SLC13A2: variants seen among roughly 807,000 people sequenced by gnomAD.
The protein encoded by SLC13A2 is solute carrier family 13 member 2.
A neutral mutation model predicts 58.5 loss-of-function variants in SLC13A2; 40 were observed. The ratio of observed to expected loss-of-function variants is 0.68; its 90% CI spans 0.53 to 0.89. The LOEUF is 0.89. Among genes scored for constraint, SLC13A2 ranks in the 40% least tolerant of loss-of-function variants. SLC13A2 has a pLI of 0.00. For missense variants in SLC13A2, 694 were observed against 772.6 expected (o/e 0.90, Z 1.21); for synonymous variants, 341 against 331.6 (o/e 1.03, Z -0.31).
rs1033248668 is a variant in SLC13A2 at position 28,494,865 on chromosome 17, G to A, written c.1308+353G>A. On this transcript the variant is annotated intron_variant, in intron 9 of 11. Transcript: ENST00000314669. The surrounding 1 kb of genome is among the most constrained non-coding windows in gnomAD (Gnocchi z 4.0). ...CAAAGTAATTGGGGGTTGTGTTGAC[G>A]CGGTCTGCCCTCCGCAGCCACCAGG... Among the ~76,000 whole-genome samples the A allele has an allele frequency of 2.0e-5, 3 of 152,092 alleles. No individual in the cohort carries two copies. Among genetic ancestry groups the A allele is most frequent in the Admixed American group, 1.3e-4 (2 of 15,274 alleles).
chr17:28,475,571 A>C (rs1415899122), intron 1 of SLC13A2, among the ~76,000 whole-genome samples: 2 of 152,190 alleles, frequency 1.3e-5, no homozygotes, highest in African/African-American at 4.8e-5. Context: ...CATAACAGGA[A>C]GTCTCAAGAC....
At position 28,473,845 on chromosome 17, in the gene SLC13A2, C is replaced by T. The variant is rs527347230; in HGVS notation, c.102+31C>T. On this transcript the variant is annotated intron_variant, in intron 1 of 11. Transcript: ENST00000314669. Reference sequence around the variant, plus strand: ...GACTTGGTGTTCTGAGCACAGATAACTCCAGGGGGCAGAGGAGGGACTGTC... The same window carrying T: ...GACTTGGTGTTCTGAGCACAGATAATTCCAGGGGGCAGAGGAGGGACTGTC... 42 of 1,588,552 alleles carry T rather than the reference C, an allele frequency of 2.6e-5. No homozygotes were observed. The Admixed American group carries it at 2.9e-4, about 11-fold the overall frequency.
intron 1 of SLC13A2, among the ~76,000 whole-genome samples, chr17:28,482,670 T>G (rs2068805362): frequency 6.6e-6 from 1 of 152,236 alleles, no homozygotes; most frequent in Admixed American, 6.5e-5. Context: ...GACAAATTCC[T>G]AGATCCTCTC....
At position 28,491,584 on chromosome 17, in the gene SLC13A2, C is replaced by T. The variant is rs782693527; in HGVS notation, c.722C>T (p.Ala241Val). Reference sequence around the variant, plus strand: ...GGCATCGCCACGCTGACTGGCACCGCACCCAACCTGGTGCTGCAAGGCCAG... The same window carrying T: ...GGCATCGCCACGCTGACTGGCACCGTACCCAACCTGGTGCTGCAAGGCCAG... ...IGGIATLTGTAPNLVLQGQIN... is the reference protein window; with the variant it reads ...IGGIATLTGTVPNLVLQGQIN... Residue 241 changes from alanine to valine, a missense_variant, in exon 5 of 12, where the codon GCA (alanine) becomes GTA (valine). Ala to Val is a moderately conservative substitution (Grantham distance 64, BLOSUM62 0). Coordinates refer to ENST00000314669, the MANE Select transcript of SLC13A2 (RefSeq NM_003984.4). The T allele has an allele frequency of 6.2e-7, 1 of 1,613,538 alleles. No individual in the cohort carries two copies. The highest frequency in any genetic ancestry group is 1.7e-5 in the Admixed American group (1 of 60,030).
At chr17:28,487,829 G>A (rs1343607057) in intron 1 of SLC13A2, among the ~76,000 whole-genome samples, 3 of 152,226 alleles carry the variant, frequency 2.0e-5, no homozygotes, top group Non-Finnish European at 4.4e-5. Context: ...TTGGTGGAAA[G>A]AGAGCTTGGC....
intron 1 of SLC13A2, 96 bp downstream of exon 1, chr17:28,473,910 C>T: frequency 1.1e-6 from 1 of 949,564 alleles, no homozygotes; most frequent in Non-Finnish European, 1.6e-6. Flanking sequence ...AGCATAACTT[C>T]CTCACTGCCC....
At chr17:28,480,992 A>G (rs782513412) in intron 1 of SLC13A2, among the ~76,000 whole-genome samples, 10 of 152,148 alleles carry the variant, frequency 6.6e-5, no homozygotes, top group Non-Finnish European at 1.3e-4. Context: ...GGCCAGGGGG[A>G]TCCCTGGCGT....
chr17:28,491,731 C>G lies in SLC13A2; in HGVS notation c.757C>G (p.Leu253Val). The G allele has an allele frequency of 6.2e-7, 1 of 1,614,106 alleles. No individual in the cohort carries two copies. Among genetic ancestry groups the G allele is most frequent in the Non-Finnish European group, 8.5e-7 (1 of 1,179,970 alleles). Residue 253 changes from leucine to valine, a missense_variant and splice_region_variant, in exon 6 of 12, where the codon CTC becomes GTC. Coordinates refer to ENST00000314669, the MANE Select transcript of SLC13A2 (RefSeq NM_003984.4). ...CGGCAGCCCATGTTCCTCCTTCAGG[C>G]TCTTCCCCCAAAACGGCAACGTGGT... ...NLVLQGQINSLFPQNGNVVNF... is the reference protein window; with the variant it reads ...NLVLQGQINSVFPQNGNVVNF...
At chr17:28,483,058 C>T (rs1054381046) in intron 1 of SLC13A2, among the ~76,000 whole-genome samples, 24 of 152,230 alleles carry the variant, frequency 1.6e-4, no homozygotes, top group Admixed American at 7.2e-4. Flanking sequence ...GGTTAACCTT[C>T]AGTCACCAGG....
Position 28,497,272 on chromosome 17 carries a change from T to TG in SLC13A2, c.*7dup. 1 of 1,611,636 alleles carries TG rather than the reference T, an allele frequency of 6.2e-7. No homozygotes were observed. The highest frequency in any genetic ancestry group is 1.1e-5 in the South Asian group (1 of 90,912). Reference sequence around the variant, plus strand: ...ACACCACCACACCAAGCCCCTAGGCTGGGGCACAGCCTGGCCATGCCCAGG... The same window carrying TG: ...ACACCACCACACCAAGCCCCTAGGCTGGGGGCACAGCCTGGCCATGCCCAGG... On this transcript the variant is annotated 3_prime_UTR_variant, in exon 12 of 12. Coordinates refer to ENST00000314669, the MANE Select transcript of SLC13A2 (RefSeq NM_003984.4).
intron 1 of SLC13A2, among the ~76,000 whole-genome samples, chr17:28,481,636 C>T (rs1308969146): frequency 1.3e-5 from 2 of 152,142 alleles, no homozygotes; most frequent in Non-Finnish European, 2.9e-5. Flanking sequence ...TCGAGCAAAT[C>T]CTGAGTGTTT....
chr17:28,488,230 A>G (rs1488891133), intron 1 of SLC13A2, among the ~76,000 whole-genome samples: 1 of 152,174 alleles, frequency 6.6e-6, no homozygotes, highest in East Asian at 1.9e-4. Context: ...TAAGAGTGTG[A>G]GCTTAGCCTG....
rs1035845958 is a variant in SLC13A2 at position 28,496,954 on chromosome 17, G to C, written c.1609-145G>C. 3.8e-6 allele frequency: 3 copies of C among 787,208 alleles called. No homozygotes were observed. In the African/African-American group the frequency reaches 5.2e-5, roughly 14 times the overall value. The allele number at this position is 787,208 out of a possible 1,614,324, so 48.8% of individuals were successfully genotyped here. On this transcript the variant is annotated intron_variant, in intron 11 of 11. Transcript: ENST00000314669. This position sits in a 1 kb window ranked among gnomAD's most constrained non-coding sequence, Gnocchi z 4.2. ...AGTAAAGCAAGGGGCAAAGGCATTGGCTATGCTGCAGGTTAGACCAACGGG... is the reference window on the plus strand; with the variant it reads ...AGTAAAGCAAGGGGCAAAGGCATTGCCTATGCTGCAGGTTAGACCAACGGG...
intron 9 of SLC13A2, among the ~76,000 whole-genome samples, chr17:28,495,171 C>T (rs1555604389): frequency 1.3e-5 from 2 of 152,212 alleles, no homozygotes; most frequent in African/African-American, 4.8e-5. Context: ...AAGGCAAGAC[C>T]TCGGAGCTCT....
At chr17:28,491,707 G>T (rs782765038) in intron 5 of SLC13A2, 23 bp from the exon 6 acceptor site, 3 of 1,612,958 alleles carry the variant, frequency 1.9e-6, no homozygotes, top group African/African-American at 1.3e-5. Context: ...AATGTCACAC[G>T]GCAGCCCATG....
chr17:28,476,087 C>G (rs547361109), intron 1 of SLC13A2, among the ~76,000 whole-genome samples: 1 of 152,332 alleles, frequency 6.6e-6, no homozygotes, highest in African/African-American at 2.4e-5. Context: ...TCAAGAAATG[C>G]TTCAACCATC....
rs782578002 is a variant in SLC13A2 at position 28,473,739 on chromosome 17, G to A, written c.27G>A (p.Trp9Ter). The change falls in exon 1 of 12, where the codon TGG becomes TGA. Residue 9 changes from tryptophan (W) to a stop codon, truncating the protein, a stop_gained. Transcript: ENST00000314669. LOFTEE classifies it high-confidence loss of function. ...TGGCCACCTGCTGGCAGGCCCTGTG[G>A]GCCTATCGCTCCTACCTGATCGTGT... MATCWQAL[W>*]AYRSYLIVFF... 5.6e-6 allele frequency: 9 copies of A among 1,614,136 alleles called. No individual in the cohort carries two copies. Among genetic ancestry groups the A allele is most frequent in the Non-Finnish European group, 5.9e-6 (7 of 1,180,010 alleles).
intron 2 of SLC13A2, among the ~76,000 whole-genome samples, chr17:28,489,903 T>C (rs1173855349): frequency 5.9e-5 from 9 of 152,228 alleles, no homozygotes; most frequent in African/African-American, 1.2e-4. Context: ...CACGGTAGAT[T>C]ATCTCCCAAC....
chr17:28,494,400 G>A lies in SLC13A2; in HGVS notation c.1196G>A (p.Gly399Glu). ...TCTGCTTGGGAAGTAGAAAACCCAG[G>A]GAAGCTGAAGGCCCCTCTTGGCCTC... ...PGLTQDPENP[G>E]KLKAPLGLLD... The change falls in exon 9 of 12, where the codon GGG (glycine) becomes GAG (glutamate). Residue 399 changes from glycine to glutamate, a missense_variant. Transcript: ENST00000314669. This position sits in a 1 kb window ranked among gnomAD's most constrained non-coding sequence, Gnocchi z 4.0. The A allele has an allele frequency of 6.2e-7, 1 of 1,614,172 alleles. No individual in the cohort carries two copies. The highest frequency in any genetic ancestry group is 1.1e-5 in the South Asian group (1 of 91,084).
Sources: allele counts gnomAD v4.1 joint callset (sites outside exome capture counted in the v4.1 genomes callset), GRCh38; gene constraint gnomAD v4.1.1; non-coding constraint Gnocchi (gnomAD v3.1); transcripts MANE v1.5; gene names NCBI Gene and HGNC (gene_info 2026-07-23, HGNC 2026-07-21).